Variants in TUT4 observed in about 807,000 individuals in gnomAD.
TUT4 encodes the protein terminal uridylyl transferase 4, also known as terminal uridylyltransferase 4.
In TUT4, 36 loss-of-function variants were observed where a neutral mutation model predicts 192.2. The ratio of observed to expected loss-of-function variants is 0.19; its 90% confidence interval spans 0.14 to 0.25. TUT4 has a LOEUF of 0.25. TUT4 is among the 10% of genes least tolerant of loss of function. The pLI is 1.00. For missense variants in TUT4, 1,493 were observed against 1,957.2 expected, an observed-to-expected ratio of 0.76 and a Z score of 4.47; for synonymous variants, 618 against 666.0, an observed-to-expected ratio of 0.93 and a Z score of 1.11.
chr1:52,466,672 A>G (rs1201732312), intron 15 of TUT4, among the ~76,000 whole-genome samples: 1 of 139,074 alleles, frequency 7.2e-6, no homozygotes, highest in Admixed American at 7.0e-5. Flanking sequence ...ATATATATAT[A>G]TATATATATA....
Position 52,458,339 on chromosome 1 carries a change from T to C in TUT4, c.3432A>G (p.Gln1144=). 1 of 1,612,504 alleles carries C rather than the reference T, an allele frequency of 6.2e-7. No homozygotes were observed. The highest frequency in any genetic ancestry group is 1.1e-5 in the South Asian group (1 of 90,852). ...QRKPPVIPVL[Q]EIFDGKQIPQ... The stretch of plus-strand genomic sequence containing the variant: ...TATAGTTTTCTTAAACACCTACCTC[T>C]TGTAGAACTGGGATAACAGGTGGCT... Residue 1144 remains glutamine (Q), a synonymous_variant, in exon 20 of 30, where the codon CAA becomes CAG. Transcript: ENST00000257177.
chr1:52,541,489 G>A lies in TUT4; in HGVS notation c.-94+11442C>T, dbSNP rs936181677. On this transcript the variant is annotated intron_variant, in intron 1 of 29. Coordinates refer to ENST00000257177, the MANE Select transcript of TUT4 (RefSeq NM_001009881.3). ...AGAGGTTGCAGTGAGCCAAGATCGC[G>A]CCATTGCGCTCCAGCCTGGGTGACA... Among the ~76,000 whole-genome samples the A allele has an allele frequency of 6.6e-5, 10 of 151,322 alleles. No individual in the cohort carries two copies. In the East Asian group the frequency reaches 1.8e-3, roughly 27 times the overall value.
At chr1:52,479,683 G>A (rs141716959) in intron 11 of TUT4, among the ~76,000 whole-genome samples, 189 of 152,234 alleles carry the variant, frequency 1.2e-3, no homozygotes, top group African/African-American at 4.1e-3. Flanking sequence ...ATTCAGTTTA[G>A]ACACATTAAG....
intron 28 of TUT4, among the ~76,000 whole-genome samples, chr1:52,425,865 G>A (rs1649725480): frequency 6.6e-6 from 1 of 151,210 alleles, no homozygotes; most frequent in South Asian, 2.1e-4. Context: ...GCAAAATAGG[G>A]AGGGGGTGGG....
intron 24 of TUT4, 145 bp downstream of exon 24, chr1:52,445,642 G>T (rs1046394193): frequency 6.3e-6 from 4 of 633,560 alleles, no homozygotes; most frequent in Non-Finnish European, 1.1e-5. Flanking sequence ...ATCTCACTAT[G>T]GACTATGATA....
intron 4 of TUT4, among the ~76,000 whole-genome samples, chr1:52,500,151 A>T (rs1673699444): frequency 6.6e-6 from 1 of 151,788 alleles, no homozygotes; most frequent in Non-Finnish European, 1.5e-5. Context: ...GCCCAGAAAT[A>T]AACCCTGGCA....
chr1:52,435,195 T>G, intron 27 of TUT4, 170 bp downstream of exon 27: 1 of 441,572 alleles, frequency 2.3e-6, no homozygotes, highest in Admixed American at 4.0e-5. Context: ...AGATCTACAT[T>G]ATTCCAAAAG....
At chr1:52,501,641 A>G (rs759490338) in intron 4 of TUT4, among the ~76,000 whole-genome samples, 1 of 152,218 alleles carries the variant, frequency 6.6e-6, no homozygotes, top group Non-Finnish European at 1.5e-5. Context: ...AAGGAACTCA[A>G]ATAGGTATTT....
chr1:52,475,007 T>C lies in TUT4; in HGVS notation c.2552A>G (p.Asp851Gly). 3.1e-6 allele frequency: 5 copies of C among 1,614,220 alleles called. No individual in the cohort carries two copies. The highest frequency in any genetic ancestry group is 4.2e-6 in the Non-Finnish European group (5 of 1,180,028). The change falls in exon 13 of 30, where the codon GAC becomes GGC. Residue 851 changes from aspartate (D) to glycine (G), a missense_variant. Asp to Gly is a moderately conservative substitution (Grantham distance 94). This residue lies in a region of TUT4 where 245 missense variants were observed against 218.4 expected (regional missense o/e 1.12). Transcript: ENST00000257177. ...CTCTGTTTCTAAATTTGACCTGCAG[T>C]CTGTTCCAGTAGATTTATCTGGGTC... ...SPDPDKSTGT[D>G]CRSNLETESS...
chr1:52,461,005 T>C lies in TUT4; in HGVS notation c.3321+129A>G, dbSNP rs1207558061. 6.1e-6 allele frequency: 4 copies of C among 651,874 alleles called. No homozygotes were observed. In the East Asian group the frequency reaches 1.1e-4, roughly 18 times the overall value. 40.4% of individuals were successfully genotyped at this position (651,874 alleles called of 1,614,324 possible). On this transcript the variant is annotated intron_variant, in intron 19 of 29. Transcript: ENST00000257177. ...ATAGGTATCTATTCAAGCTATATAA[T>C]ACTGAAAGTTTCTTTTTTAAAAGCT...
At chr1:52,506,484 ACTTTTTT>A (rs1675607953) in intron 4 of TUT4, among the ~76,000 whole-genome samples, 1 of 152,090 alleles carries the variant, frequency 6.6e-6, no homozygotes, top group African/African-American at 2.4e-5. Context: ...GAGCTCATTA[ACTTTTTT>A]CTTTTTGTTT....
At chr1:52,449,644 A>G (rs1257788924) in intron 20 of TUT4, among the ~76,000 whole-genome samples, 1 of 152,210 alleles carries the variant, frequency 6.6e-6, no homozygotes, top group Non-Finnish European at 1.5e-5. Flanking sequence ...AAAATATAAA[A>G]TTTACCATCA....
intron 16 of TUT4, among the ~76,000 whole-genome samples, chr1:52,464,052 T>G (rs1663371993): frequency 6.6e-6 from 1 of 152,172 alleles, no homozygotes; most frequent in South Asian, 2.1e-4. Context: ...ACTAGCTGTG[T>G]GAACTTGGAC....
intron 9 of TUT4, among the ~76,000 whole-genome samples, chr1:52,487,133 A>C (rs752781591): frequency 7.2e-5 from 11 of 152,158 alleles, no homozygotes; most frequent in Non-Finnish European, 1.5e-4. Context: ...AAGCTCAGAT[A>C]GGTGAAGTAC....
At chr1:52,504,101 A>T (rs1283347128) in intron 4 of TUT4, among the ~76,000 whole-genome samples, 2 of 152,232 alleles carry the variant, frequency 1.3e-5, no homozygotes, top group African/African-American at 4.8e-5. Context: ...TGGCACCACA[A>T]ACTATGATAA....
At chr1:52,469,060 C>T (rs559002204) in intron 14 of TUT4, among the ~76,000 whole-genome samples, 3 of 152,130 alleles carry the variant, frequency 2.0e-5, no homozygotes, top group African/African-American at 4.8e-5. Context: ...TAATGTAATT[C>T]GTTAACTTGT....
rs181960934 is a variant in TUT4, at chr1:52,425,266, C to G, written c.4870+83G>C. 1,713 of 1,478,004 alleles carry G rather than the reference C, an allele frequency of 1.2e-3. 19 individuals carry two copies. In the African/African-American group the frequency reaches 0.021, roughly 18 times the overall value. 91.6% of individuals were successfully genotyped at this position (1,478,004 alleles called of 1,614,324 possible). On this transcript the variant is annotated intron_variant, in intron 29 of 29. Coordinates refer to ENST00000257177, the MANE Select transcript of TUT4 (RefSeq NM_001009881.3). ...TTTACTGAATTCATGAATTTTCACT[C>G]CCAGATCCTGGCCTTCACTAAGGCT...
intron 29 of TUT4, chr1:52,424,243 T>C (rs1204079099): frequency 4.1e-6 from 2 of 489,540 alleles, no homozygotes; most frequent in Non-Finnish European, 7.4e-6. Flanking sequence ...AAAAACCCAC[T>C]AGAAAAGAGT....
At chr1:52,546,062 C>A (rs185879417) in intron 1 of TUT4, among the ~76,000 whole-genome samples, 1 of 152,038 alleles carries the variant, frequency 6.6e-6, no homozygotes, top group East Asian at 1.9e-4. Flanking sequence ...TGGCTTGAGC[C>A]CAGGAGGCAG....
Sources: gnomAD v4.1 joint callset for allele counts (sites outside exome capture counted in the v4.1 genomes callset) on GRCh38, gnomAD v4.1.1 for gene constraint, gnomAD v4.1.1 regional missense constraint, MANE v1.5 for transcripts, NCBI Gene and HGNC (gene_info 2026-07-23, HGNC 2026-07-21) for gene names.